TBC1D31: variants seen among roughly 807,000 people sequenced by gnomAD.
The protein encoded by TBC1D31 is TBC1 domain family member 31.
TBC1D31 carries 99 observed loss-of-function variants against 132.9 expected under a neutral mutation model. The observed-to-expected ratio is 0.74, with a 90% CI of 0.63 to 0.88. The LOEUF is 0.88. Among genes scored for constraint, TBC1D31 ranks in the 40% least tolerant of loss-of-function variants. The pLI is 0.00. For synonymous variants in TBC1D31, 385 were observed against 419.4 expected (o/e 0.92, Z 1.00); for missense variants, 1,134 against 1,256.6 (o/e 0.90, Z 1.48).
chr8:123,083,609 C>T (rs1485474508), intron 3 of TBC1D31: 1 of 152,422 alleles, frequency 6.6e-6, no homozygotes, highest in Non-Finnish European at 1.5e-5. Flanking sequence ...GCTTAAATAA[C>T]TAAGCTGGAA....
At chr8:123,119,234 G>A (rs1253678791) in intron 10 of TBC1D31, among the ~76,000 whole-genome samples, 1 of 152,156 alleles carries the variant, frequency 6.6e-6, no homozygotes, top group Non-Finnish European at 1.5e-5. Flanking sequence ...GGGCTAATTT[G>A]GCACTGACTT....
At chr8:123,136,549 C>T (rs1464855398) in intron 17 of TBC1D31, among the ~76,000 whole-genome samples, 1 of 152,160 alleles carries the variant, frequency 6.6e-6, no homozygotes, top group African/African-American at 2.4e-5. Flanking sequence ...CTCCCGGGTT[C>T]AAGAAATTCT....
At chr8:123,108,380 T>G (rs1818138998) in intron 8 of TBC1D31, among the ~76,000 whole-genome samples, 2 of 152,174 alleles carry the variant, frequency 1.3e-5, no homozygotes, top group African/African-American at 4.8e-5. Context: ...AAGTCTTAGA[T>G]ATAAGGGACT....
Position 123,087,211 on chromosome 8 carries a change from G to A in TBC1D31, c.519+2871G>A, listed in dbSNP as rs190903968. Among the ~76,000 whole-genome samples the A allele has an allele frequency of 3.3e-5, 5 of 152,318 alleles. No individual in the cohort carries two copies. The East Asian group carries it at 5.8e-4, about 18-fold the overall frequency. The stretch of plus-strand genomic sequence containing the variant: ...AGGTTGTTTTAGTCCAAGGAAGGCC[G>A]TCTCCTTAACTCCCACTGTCTTTTG... On this transcript the variant is annotated intron_variant, in intron 4 of 21. Coordinates refer to ENST00000287380, the MANE Select transcript of TBC1D31 (RefSeq NM_145647.4).
chr8:123,105,553 G>C, intron 8 of TBC1D31, 89 bp downstream of exon 8: 1 of 1,077,486 alleles, frequency 9.3e-7, no homozygotes. Flanking sequence ...TCTCTCTCTT[G>C]GGAATTAAAG....
At chr8:123,074,730 G>A (rs992631817) in intron 1 of TBC1D31, among the ~76,000 whole-genome samples, 18 of 152,220 alleles carry the variant, frequency 1.2e-4, no homozygotes, top group Non-Finnish European at 2.2e-4. Context: ...TAGACGGGCA[G>A]AGAGCACTGA....
chr8:123,090,450 G>A lies in TBC1D31; in HGVS notation c.520-3141G>A, dbSNP rs192400930. Among the ~76,000 whole-genome samples, 9 of 152,230 alleles carry A rather than the reference G, an allele frequency of 5.9e-5. No individual in the cohort carries two copies. In the East Asian group the frequency reaches 1.5e-3, roughly 26 times the overall value. ...ATTAGTTAAGGATTTTGGAATCCCC[G>A]GGATTTGTGATTACTGTGGTTCAGC... is the stretch of plus-strand genomic sequence containing the variant. On this transcript the variant is annotated intron_variant, in intron 4 of 21. Coordinates refer to ENST00000287380, the MANE Select transcript of TBC1D31 (RefSeq NM_145647.4).
At chr8:123,147,820 C>G (rs960971016) in intron 20 of TBC1D31, among the ~76,000 whole-genome samples, 1 of 152,032 alleles carries the variant, frequency 6.6e-6, no homozygotes, top group South Asian at 2.1e-4. Context: ...AGATAATCAC[C>G]TACCATTAAG....
intron 1 of TBC1D31, 96 bp downstream of exon 1, chr8:123,072,942 T>A: frequency 7.8e-7 from 1 of 1,275,884 alleles, no homozygotes; most frequent in Non-Finnish European, 1.1e-6. Context: ...GTTCTGGCTC[T>A]GACCTTGCCC....
At chr8:123,128,220 A>C in intron 13 of TBC1D31, 61 bp from the exon 14 acceptor site, 2 of 832,598 alleles carry the variant, frequency 2.4e-6, no homozygotes, top group Non-Finnish European at 3.9e-6. Context: ...TCTTGTTTTA[A>C]TTCTACCTCA....
chr8:123,093,765 A>C, intron 5 of TBC1D31, 23 bp downstream of exon 5: 1 of 1,397,370 alleles, frequency 7.2e-7, no homozygotes, highest in East Asian at 2.5e-5. Context: ...TTAAGACACT[A>C]GGAATATTTA....
At chr8:123,114,618 G>A (rs542017770) in intron 10 of TBC1D31, among the ~76,000 whole-genome samples, 7 of 152,194 alleles carry the variant, frequency 4.6e-5, no homozygotes, top group South Asian at 4.1e-4. Context: ...CACTGCACCC[G>A]GCCTGTGATA....
downstream of TBC1D31, among the ~76,000 whole-genome samples, chr8:123,156,440 CAAAA>C (rs34267268): frequency 1.5e-4 from 15 of 100,972 alleles, no homozygotes; most frequent in Non-Finnish European, 1.4e-4. Flanking sequence ...GACCCTGTCT[CAAAA>C]AAAAAAAAAA....
At chr8:123,090,996 T>C (rs1046866301) in intron 4 of TBC1D31, among the ~76,000 whole-genome samples, 2 of 152,026 alleles carry the variant, frequency 1.3e-5, no homozygotes, top group African/African-American at 2.4e-5. Context: ...AAATAAACCT[T>C]GAAAAGAGTT....
At position 123,117,626 on chromosome 8, in the gene TBC1D31, G is replaced by A. The variant is rs1004381905; in HGVS notation, c.1437-2429G>A. ...AAATTAGCCGGGCATGGTGGCGCGC[G>A]CCTGTAGTCCCAGCTACTCGGGAGG... On this transcript the variant is annotated intron_variant, in intron 10 of 21. Transcript: ENST00000287380. Among the ~76,000 whole-genome samples the A allele has an allele frequency of 4.0e-5, 6 of 151,142 alleles. No individual in the cohort carries two copies. The Middle Eastern group carries it at 0.01, about 259-fold the overall frequency.
chr8:123,132,387 T>A (rs933858297), intron 16 of TBC1D31, among the ~76,000 whole-genome samples: 1 of 147,212 alleles, frequency 6.8e-6, no homozygotes, highest in African/African-American at 2.5e-5. Context: ...GATAAAATAC[T>A]AAGTATTTTT....
At chr8:123,151,035 A>T (rs1030082662) in intron 21 of TBC1D31, among the ~76,000 whole-genome samples, 1 of 152,222 alleles carries the variant, frequency 6.6e-6, no homozygotes, top group African/African-American at 2.4e-5. Context: ...TTTTATATGC[A>T]TCTATAAATT....
chr8:123,110,071 G>T (rs2130546270), intron 10 of TBC1D31, among the ~76,000 whole-genome samples: 1 of 152,292 alleles, frequency 6.6e-6, no homozygotes, highest in South Asian at 2.1e-4. Context: ...TCCAGCCTGG[G>T]CGACAGGGCA....
At chr8:123,140,698 A>G (rs1821562860) in intron 17 of TBC1D31, 63 bp from the exon 18 acceptor site, 4 of 1,381,964 alleles carry the variant, frequency 2.9e-6, no homozygotes, top group Non-Finnish European at 1.0e-6. Context: ...TTCTGAAAAA[A>G]GTCATTTTTG....
Sources: allele counts gnomAD v4.1 joint callset (sites outside exome capture counted in the v4.1 genomes callset), GRCh38; gene constraint gnomAD v4.1.1; transcripts MANE v1.5; gene names NCBI Gene and HGNC (gene_info 2026-07-23, HGNC 2026-07-21).